The following NKAIN3 variants were observed in gnomAD, a reference collection of about 807,000 sequenced individuals.
The protein encoded by NKAIN3 is sodium/potassium-transporting ATPase subunit beta-1-interacting protein 3.
A neutral mutation model predicts 30.2 loss-of-function variants in NKAIN3; 25 were observed. The observed-to-expected ratio is 0.83, with a 90% CI of 0.60 to 1.16. The LOEUF is 1.16. Ranked by LOEUF, NKAIN3 falls within the 50% of genes most tolerant of loss-of-function variation. The pLI, the probability that NKAIN3 is intolerant of heterozygous loss-of-function variation, is 0.00. For synonymous variants in NKAIN3, 91 were observed against 89.6 expected (o/e 1.02, Z -0.09); for missense variants, 225 against 254.1 (o/e 0.89, Z 0.78).
chr8:62,899,423 G>A lies in NKAIN3; in HGVS notation c.472-19030G>A, dbSNP rs558498344. On this transcript the variant is annotated intron_variant, in intron 4 of 6. Transcript: ENST00000623646. The stretch of plus-strand genomic sequence containing the variant: ...CCATAAAAAAAGAATGAGATCCTGA[G>A]ATCTTGTCATTTGCAACAACATGGA... 7.9e-5 allele frequency among the ~76,000 whole-genome samples: 12 copies of A among 152,230 alleles called. No individual in the cohort carries two copies. In the East Asian group the frequency reaches 1.9e-3, roughly 25 times the overall value.
chr8:62,308,485 A>T (rs2129588478), intron 1 of NKAIN3, among the ~76,000 whole-genome samples: 1 of 150,788 alleles, frequency 6.6e-6, no homozygotes, highest in South Asian at 2.1e-4. Context: ...GGCCATGATC[A>T]AGAGCTGTAT....
At chr8:62,836,492 A>C (rs775387911) in intron 4 of NKAIN3, among the ~76,000 whole-genome samples, 1 of 152,138 alleles carries the variant, frequency 6.6e-6, no homozygotes, top group Non-Finnish European at 1.5e-5. Flanking sequence ...ATAATAGTAC[A>C]TTTCATCTGC....
At chr8:62,952,776 A>G (rs1823319903) in intron 5 of NKAIN3, among the ~76,000 whole-genome samples, 1 of 152,240 alleles carries the variant, frequency 6.6e-6, no homozygotes. Context: ...AAGCAAAGGA[A>G]GACAAATGAG....
intron 1 of NKAIN3, among the ~76,000 whole-genome samples, chr8:62,478,216 A>G (rs1183539969): frequency 6.6e-6 from 1 of 152,174 alleles, no homozygotes; most frequent in Non-Finnish European, 1.5e-5. Context: ...GACATAGTTA[A>G]TCAACTGGTA....
chr8:62,767,860 A>G (rs1041439467), intron 4 of NKAIN3, among the ~76,000 whole-genome samples: 1 of 152,010 alleles, frequency 6.6e-6, no homozygotes, highest in Admixed American at 6.6e-5. Flanking sequence ...TGGTACAAAA[A>G]AGAAGATAAA....
intron 1 of NKAIN3, among the ~76,000 whole-genome samples, chr8:62,330,184 C>T (rs1018645344): frequency 6.6e-6 from 1 of 151,724 alleles, no homozygotes; most frequent in African/African-American, 2.4e-5. Flanking sequence ...GTTTCCAGGC[C>T]CTGGTTTCAT....
intron 3 of NKAIN3, among the ~76,000 whole-genome samples, chr8:62,732,957 A>G (rs1815526639): frequency 6.6e-6 from 1 of 151,992 alleles, no homozygotes; most frequent in Non-Finnish European, 1.5e-5. Flanking sequence ...TATATGTGTT[A>G]TTGCTTCTAC....
chr8:62,364,534 C>A (rs1316301852), intron 1 of NKAIN3, among the ~76,000 whole-genome samples: 1 of 151,944 alleles, frequency 6.6e-6, no homozygotes, highest in East Asian at 1.9e-4. Flanking sequence ...TTTGTTCTTC[C>A]CTTTTTAATA....
chr8:62,635,962 G>T (rs967011095), intron 3 of NKAIN3, among the ~76,000 whole-genome samples: 5 of 152,076 alleles, frequency 3.3e-5, no homozygotes, highest in African/African-American at 4.8e-5. Flanking sequence ...TGGTGACTTT[G>T]CCCTGTCTAC....
At chr8:62,433,258 A>G (rs1228599205) in intron 1 of NKAIN3, among the ~76,000 whole-genome samples, 1 of 152,134 alleles carries the variant, frequency 6.6e-6, no homozygotes, top group Non-Finnish European at 1.5e-5. Flanking sequence ...ATCAATTCTT[A>G]CTAAGTTTAT....
At chr8:62,841,900 G>T (rs1819539249) in intron 4 of NKAIN3, among the ~76,000 whole-genome samples, 1 of 152,062 alleles carries the variant, frequency 6.6e-6, no homozygotes, top group South Asian at 2.1e-4. Flanking sequence ...TTCCATAATG[G>T]CTGAACCATT....
intron 1 of NKAIN3, among the ~76,000 whole-genome samples, chr8:62,474,758 A>C (rs936970580): frequency 6.6e-6 from 1 of 152,222 alleles, no homozygotes; most frequent in Non-Finnish European, 1.5e-5. Context: ...AAAATCATCA[A>C]AAATGCTAAA....
chr8:62,691,576 GA>G (rs1586094214), intron 3 of NKAIN3, among the ~76,000 whole-genome samples: 2 of 152,064 alleles, frequency 1.3e-5, no homozygotes, highest in African/African-American at 2.4e-5. Context: ...ATCCAAGTGA[GA>G]AAAAAATTTG....
At chr8:62,315,967 T>C (rs1296408746) in intron 1 of NKAIN3, among the ~76,000 whole-genome samples, 2 of 152,182 alleles carry the variant, frequency 1.3e-5, no homozygotes, top group African/African-American at 4.8e-5. Flanking sequence ...GTGGGAGTAA[T>C]TGAATCATGG....
In NKAIN3 at chr8:62,640,152, G is replaced by A. The variant is rs188261930; in HGVS notation, c.273+50358G>A. Among the ~76,000 whole-genome samples the A allele has an allele frequency of 3.9e-3, 596 of 152,180 alleles. 3 individuals carry two copies. The highest frequency in any genetic ancestry group is 0.012 in the African/African-American group (511 of 41,538). On this transcript the variant is annotated intron_variant, in intron 3 of 6. Transcript: ENST00000623646. ...GGTATCTTCTCCAGGGCATACTTCCGTGACCTGGCAAGTAGGTGCCTGATA... is the reference window on the plus strand; with the variant it reads ...GGTATCTTCTCCAGGGCATACTTCCATGACCTGGCAAGTAGGTGCCTGATA...
At chr8:62,772,246 T>G (rs1369270366) in intron 4 of NKAIN3, among the ~76,000 whole-genome samples, 2 of 152,218 alleles carry the variant, frequency 1.3e-5, no homozygotes, top group Non-Finnish European at 1.5e-5. Flanking sequence ...AGGATCTCAC[T>G]TTTTATAGCT....
intron 4 of NKAIN3, among the ~76,000 whole-genome samples, chr8:62,854,261 G>C (rs529344518): frequency 5.9e-5 from 9 of 152,112 alleles, no homozygotes; most frequent in Non-Finnish European, 1.3e-4. Flanking sequence ...CTTTGTTAAT[G>C]TTCTGCCTCA....
chr8:62,478,173 T>C (rs2129600558), intron 1 of NKAIN3, among the ~76,000 whole-genome samples: 1 of 152,154 alleles, frequency 6.6e-6, no homozygotes, highest in Non-Finnish European at 1.5e-5. Flanking sequence ...ATTATTATTA[T>C]TATTATTACC....
chr8:62,327,390 CA>C (rs1431298378), intron 1 of NKAIN3, among the ~76,000 whole-genome samples: 3 of 151,868 alleles, frequency 2.0e-5, no homozygotes, highest in Non-Finnish European at 4.4e-5. Context: ...AAGTAATTTC[CA>C]AATCTGATGT....
Sources: gnomAD v4.1 joint callset for allele counts (sites outside exome capture counted in the v4.1 genomes callset) on GRCh38, gnomAD v4.1.1 for gene constraint, MANE v1.5 for transcripts, NCBI Gene and HGNC (gene_info 2026-07-23, HGNC 2026-07-21) for gene names.